The following FRMD4A variants were observed in gnomAD, a reference collection of about 807,000 sequenced individuals.
FRMD4A encodes the protein FERM domain-containing protein 4A.
FRMD4A carries 29 observed loss-of-function variants against 129.1 expected under a neutral mutation model. That is an observed-to-expected ratio of 0.22 (90% confidence interval 0.17 to 0.31). The LOEUF (loss-of-function observed/expected upper bound fraction) is 0.31. Ranked by LOEUF, FRMD4A falls within the 10% of genes least tolerant of loss-of-function variation. The probability of loss-of-function intolerance (pLI) is 1.00; values close to 1 mark genes in which losing one functional copy is unlikely to be tolerated. For missense variants in FRMD4A, 1,272 were observed against 1,375.8 expected, an observed-to-expected ratio of 0.92 and a Z score of 1.19; for synonymous variants, 634 against 571.6, an observed-to-expected ratio of 1.11 and a Z score of -1.56.
chr10:13,825,595 C>T (rs1346999816), intron 3 of FRMD4A, among the ~76,000 whole-genome samples: 2 of 152,214 alleles, frequency 1.3e-5, no homozygotes, highest in African/African-American at 4.8e-5. Context: ...CATGGAAAAA[C>T]TGTCTTCCAT....
At chr10:14,215,233 T>G (rs1007787881) in intron 2 of FRMD4A, among the ~76,000 whole-genome samples, 1 of 152,172 alleles carries the variant, frequency 6.6e-6, no homozygotes, top group African/African-American at 2.4e-5. Context: ...TTAAATTCCA[T>G]GTGTACAGTT....
intron 2 of FRMD4A, chr10:14,097,008 A>G (rs1416906472): frequency 2.6e-5 from 4 of 151,868 alleles, no homozygotes; most frequent in Non-Finnish European, 5.9e-5. Flanking sequence ...GGTGGTGGGC[A>G]CCTGCAACCC....
intron 12 of FRMD4A, among the ~76,000 whole-genome samples, chr10:13,737,527 C>A (rs1210765103): frequency 1.3e-5 from 2 of 152,262 alleles, no homozygotes; most frequent in South Asian, 4.2e-4. Context: ...AAGAATACAG[C>A]CCTGCCCGAA....
At chr10:14,316,460 T>C (rs1846742122) in intron 2 of FRMD4A, among the ~76,000 whole-genome samples, 1 of 148,710 alleles carries the variant, frequency 6.7e-6, no homozygotes, top group South Asian at 2.1e-4. Context: ...AAAAAATAGA[T>C]TTATGTTCAT....
intron 2 of FRMD4A, among the ~76,000 whole-genome samples, chr10:14,322,334 C>A (rs1313501249): frequency 1.3e-5 from 2 of 152,088 alleles, no homozygotes; most frequent in Non-Finnish European, 2.9e-5. Flanking sequence ...AAAGGCACCA[C>A]CACCAACTAA....
At chr10:14,131,999 A>T (rs1056799895) in intron 2 of FRMD4A, among the ~76,000 whole-genome samples, 1 of 152,196 alleles carries the variant, frequency 6.6e-6, no homozygotes, top group South Asian at 2.1e-4. Context: ...AAAAGGCATA[A>T]AATTCAAACA....
chr10:14,276,369 C>T (rs1455441971), intron 2 of FRMD4A, among the ~76,000 whole-genome samples: 1 of 152,180 alleles, frequency 6.6e-6, no homozygotes, highest in Non-Finnish European at 1.5e-5. Flanking sequence ...GCAACTTCCT[C>T]TGTGTGGCCT....
intron 2 of FRMD4A, among the ~76,000 whole-genome samples, chr10:14,109,530 A>C (rs1044799734): frequency 6.6e-6 from 1 of 152,200 alleles, no homozygotes; most frequent in Admixed American, 6.5e-5. Context: ...CTTAAATTTG[A>C]ACATATTCTC....
intron 2 of FRMD4A, among the ~76,000 whole-genome samples, chr10:14,153,858 A>G (rs983649321): frequency 6.6e-6 from 1 of 151,994 alleles, no homozygotes; most frequent in African/African-American, 2.4e-5. Flanking sequence ...TAATCAATCA[A>G]TCGTTCTTTC....
intron 9 of FRMD4A, 86 bp downstream of exon 9, chr10:13,747,650 G>T (rs2091358480): frequency 1.4e-6 from 1 of 731,698 alleles, no homozygotes; most frequent in Non-Finnish European, 2.5e-6. Flanking sequence ...CGTGGGAGCT[G>T]GTGGAGGGAG....
At chr10:14,036,388 C>T (rs1330511417) in intron 2 of FRMD4A, among the ~76,000 whole-genome samples, 1 of 152,146 alleles carries the variant, frequency 6.6e-6, no homozygotes, top group East Asian at 1.9e-4. Flanking sequence ...CAGCAGAGAA[C>T]ATCAGCAAGA....
At chr10:13,796,429 C>G (rs2093120902) in intron 5 of FRMD4A, 67 bp downstream of exon 5, 1 of 809,458 alleles carries the variant, frequency 1.2e-6, no homozygotes, top group Non-Finnish European at 2.2e-6. Flanking sequence ...TGGAATCACT[C>G]TGCCCTCCCA....
intron 2 of FRMD4A, among the ~76,000 whole-genome samples, chr10:13,920,686 A>T (rs1474100325): frequency 6.6e-6 from 1 of 152,196 alleles, no homozygotes; most frequent in African/African-American, 2.4e-5. Flanking sequence ...GTGTTCTCCC[A>T]TGGGAACATT....
intron 8 of FRMD4A, among the ~76,000 whole-genome samples, chr10:13,756,580 G>A (rs1439804237): frequency 6.6e-6 from 1 of 152,156 alleles, no homozygotes; most frequent in African/African-American, 2.4e-5. Context: ...GCCCTGGCTG[G>A]TCTCGAACTC....
intron 2 of FRMD4A, among the ~76,000 whole-genome samples, chr10:14,056,592 C>T (rs11258842): frequency 0.099 from 15,062 of 152,078 alleles, 785 homozygotes; most frequent in Non-Finnish European, 0.12. Flanking sequence ...TAAGTTTTGG[C>T]CCCAGTATTT....
intron 4 of FRMD4A, among the ~76,000 whole-genome samples, chr10:13,801,483 T>C (rs550661548): frequency 1.3e-5 from 2 of 152,282 alleles, no homozygotes; most frequent in South Asian, 2.1e-4. Context: ...TTCCCAAACC[T>C]GGAGTCCTCG....
chr10:14,151,148 C>T (rs1453918584), intron 2 of FRMD4A, among the ~76,000 whole-genome samples: 3 of 152,164 alleles, frequency 2.0e-5, no homozygotes, highest in Non-Finnish European at 4.4e-5. Context: ...GGGACAGCAA[C>T]CCCACTTCTG....
intron 2 of FRMD4A, among the ~76,000 whole-genome samples, chr10:14,126,230 G>A (rs955926650): frequency 6.8e-6 from 1 of 146,842 alleles, no homozygotes; most frequent in Non-Finnish European, 1.5e-5. Flanking sequence ...GAGTGCAGTG[G>A]TGCGATCTTG....
At chr10:13,893,406 T>C (rs1289266964) in intron 2 of FRMD4A, among the ~76,000 whole-genome samples, 3 of 152,202 alleles carry the variant, frequency 2.0e-5, no homozygotes, top group African/African-American at 7.2e-5. Flanking sequence ...CATCTCCTTG[T>C]GTTCTGAGGT....
Sources: gnomAD v4.1 joint callset for allele counts (sites outside exome capture counted in the v4.1 genomes callset) on GRCh38, gnomAD v4.1.1 for gene constraint, MANE v1.5 for transcripts, NCBI Gene and HGNC (gene_info 2026-07-23, HGNC 2026-07-21) for gene names.